Variants in EYS observed in about 807,000 individuals in gnomAD.
The protein encoded by EYS is protein eyes shut homolog.
A neutral mutation model predicts 282.1 loss-of-function variants in EYS; 250 were observed. That is an observed-to-expected ratio of 0.89 (90% CI 0.80 to 0.98). The LOEUF is 0.98. EYS is among the 50% of genes least tolerant of loss of function. The probability of loss-of-function intolerance (pLI) is 0.00; values close to 1 mark genes in which losing one functional copy is unlikely to be tolerated. For missense variants in EYS, 4,016 were observed against 3,709.0 expected (o/e 1.08, Z -2.15); for synonymous variants, 1,355 against 1,282.9 (o/e 1.06, Z -1.20).
At chr6:63,749,604 C>T (rs1028776853) in intron 41 of EYS, among the ~76,000 whole-genome samples, 23 of 152,100 alleles carry the variant, frequency 1.5e-4, no homozygotes, top group African/African-American at 4.8e-4. Context: ...GGCTCTGTAT[C>T]GGCTGATATC....
chr6:64,233,688 T>A (rs1766499813), intron 30 of EYS, among the ~76,000 whole-genome samples: 1 of 152,190 alleles, frequency 6.6e-6, no homozygotes, highest in Non-Finnish European at 1.5e-5. Flanking sequence ...AAACCAGCCA[T>A]TATTATAACA....
intron 12 of EYS, among the ~76,000 whole-genome samples, chr6:65,197,291 C>G (rs1166203662): frequency 6.6e-6 from 1 of 151,922 alleles, no homozygotes; most frequent in Admixed American, 6.6e-5. Context: ...TGTGATTAGA[C>G]AAAAGGTGGA....
chr6:63,937,340 CTTTTCTTTTTTTTTTTTTTTTTTTTTTT>C (rs1765090867), intron 35 of EYS, among the ~76,000 whole-genome samples: 20 of 46,082 alleles, frequency 4.3e-4, no homozygotes, highest in East Asian at 1.6e-3. Flanking sequence ...AGGCTTCTCT[CTTTTCTTTTTTTTTTTTTTTTTTTTTTT>C]TTTTTTTTTT....
At chr6:65,118,923 T>C (rs1296888566) in intron 12 of EYS, among the ~76,000 whole-genome samples, 4 of 151,138 alleles carry the variant, frequency 2.6e-5, no homozygotes, top group African/African-American at 9.7e-5. Context: ...CCCAATCAAG[T>C]TGTCATTGAG....
At chr6:65,115,549 A>C (rs1396124245) in intron 12 of EYS, among the ~76,000 whole-genome samples, 1 of 152,088 alleles carries the variant, frequency 6.6e-6, no homozygotes, top group Non-Finnish European at 1.5e-5. Flanking sequence ...AAATTTAAAA[A>C]ATTTATATAT....
At chr6:64,416,467 T>G (rs750325801) in intron 28 of EYS, among the ~76,000 whole-genome samples, 1 of 151,800 alleles carries the variant, frequency 6.6e-6, no homozygotes, top group Non-Finnish European at 1.5e-5. Context: ...TTTTAGTGTA[T>G]GTGAATGCAT....
At chr6:65,539,912 T>C (rs905576440) in intron 2 of EYS, among the ~76,000 whole-genome samples, 1 of 152,286 alleles carries the variant, frequency 6.6e-6, no homozygotes, top group Admixed American at 6.5e-5. Flanking sequence ...CTCAAGACCA[T>C]GAAAAGAAAG....
chr6:64,187,177 A>T lies in EYS; in HGVS notation c.6424+43415T>A, dbSNP rs560630047. Among the ~76,000 whole-genome samples, 16 of 152,120 alleles carry T rather than the reference A, an allele frequency of 1.1e-4. No homozygotes were observed. The South Asian group carries it at 3.3e-3, about 32-fold the overall frequency. On this transcript the variant is annotated intron_variant, in intron 31 of 42. Transcript: ENST00000503581. The stretch of plus-strand genomic sequence containing the variant: ...TTTACATTTTTGGATCAAAGTGTGC[A>T]TTTGTACTTGGTGCTTTTTATCTCC...
chr6:63,756,504 G>T (rs1769488048), intron 41 of EYS, among the ~76,000 whole-genome samples: 1 of 152,092 alleles, frequency 6.6e-6, no homozygotes, highest in South Asian at 2.1e-4. Context: ...TAAGCTTTTT[G>T]ATATGCTCCT....
chr6:63,960,678 T>C (rs1296764297), intron 35 of EYS, among the ~76,000 whole-genome samples: 2 of 152,086 alleles, frequency 1.3e-5, no homozygotes, highest in Admixed American at 1.3e-4. Context: ...CAGTGATCAA[T>C]ATCAAGGACA....
chr6:65,628,570 C>G (rs1227009843), intron 2 of EYS, among the ~76,000 whole-genome samples: 2 of 152,202 alleles, frequency 1.3e-5, no homozygotes, highest in South Asian at 4.1e-4. Flanking sequence ...GTCACACTCA[C>G]CGCGAAGATC....
At chr6:65,317,646 C>T (rs945803981) in intron 11 of EYS, among the ~76,000 whole-genome samples, 1 of 152,108 alleles carries the variant, frequency 6.6e-6, no homozygotes, top group African/African-American at 2.4e-5. Flanking sequence ...AAGTCACAGT[C>T]AAGCTTTTCT....
chr6:64,986,149 T>C (rs934299403), intron 14 of EYS, among the ~76,000 whole-genome samples: 1 of 151,470 alleles, frequency 6.6e-6, no homozygotes, highest in African/African-American at 2.4e-5. Context: ...GGAATTGAGG[T>C]ATACCTTAAT....
At chr6:65,568,151 A>G (rs1764343627) in intron 2 of EYS, among the ~76,000 whole-genome samples, 1 of 152,144 alleles carries the variant, frequency 6.6e-6, no homozygotes, top group Non-Finnish European at 1.5e-5. Context: ...TAAATCCCCA[A>G]CTGAACTATT....
chr6:64,989,928 G>C (rs770296700), intron 14 of EYS, among the ~76,000 whole-genome samples: 1 of 150,676 alleles, frequency 6.6e-6, no homozygotes, highest in Non-Finnish European at 1.5e-5. Flanking sequence ...TCTATTTATC[G>C]TAGGATGGTT....
At chr6:64,059,692 C>T (rs2149850217) in intron 33 of EYS, among the ~76,000 whole-genome samples, 1 of 152,204 alleles carries the variant, frequency 6.6e-6, no homozygotes, top group Non-Finnish European at 1.5e-5. Flanking sequence ...TAAAGATTTT[C>T]TTAAGCTTAT....
chr6:65,087,726 A>AATAATAAATG lies in EYS; in HGVS notation c.2024-30009_2024-30000dup, dbSNP rs1158424956. ...CAAAAGGAATATGTATATTTGCTTG[A>AATAATAAATG]ATAATAAATGACCTCTCATAGGCTT... On this transcript the variant is annotated intron_variant, in intron 12 of 42. Coordinates refer to ENST00000503581, the MANE Select transcript of EYS (RefSeq NM_001142800.2). Among the ~76,000 whole-genome samples the AATAATAAATG allele has an allele frequency of 2.6e-5, 4 of 152,314 alleles. No individual in the cohort carries two copies. In the East Asian group the frequency reaches 7.7e-4, roughly 29 times the overall value.
intron 31 of EYS, among the ~76,000 whole-genome samples, chr6:64,126,355 C>T (rs1439345223): frequency 9.2e-6 from 1 of 108,342 alleles, no homozygotes; most frequent in Non-Finnish European, 2.1e-5. Context: ...ACATATACAC[C>T]ATGGAATACA....
At chr6:64,017,006 C>A (rs536445455) in intron 33 of EYS, among the ~76,000 whole-genome samples, 8 of 152,056 alleles carry the variant, frequency 5.3e-5, no homozygotes, top group African/African-American at 1.7e-4. Context: ...ATCAATTGCA[C>A]TCCGCATGTC....
Sources: allele counts gnomAD v4.1 joint callset (sites outside exome capture counted in the v4.1 genomes callset), GRCh38; gene constraint gnomAD v4.1.1; transcripts MANE v1.5; gene names NCBI Gene and HGNC (gene_info 2026-07-23, HGNC 2026-07-21).